Variants in LRSAM1 observed in about 807,000 individuals in gnomAD.
The protein encoded by LRSAM1 is E3 ubiquitin-protein ligase LRSAM1.
Under a neutral mutation model 118.1 loss-of-function variants are expected in LRSAM1, and 96 were observed. The observed-to-expected ratio is 0.81, with a 90% CI of 0.69 to 0.96. The LOEUF (loss-of-function observed/expected upper bound fraction) is 0.96. Among genes scored for constraint, LRSAM1 ranks in the 40% least tolerant of loss-of-function variants. LRSAM1 has a pLI of 0.00. For missense variants in LRSAM1, 804 were observed against 915.5 expected (o/e 0.88, Z 1.57); for synonymous variants, 322 against 364.2 (o/e 0.88, Z 1.32).
At position 127,479,382 on chromosome 9, in the gene LRSAM1, G is replaced by T. The variant is rs1835447298; in HGVS notation, c.781-1G>T. 3.7e-6 allele frequency: 6 copies of T among 1,614,068 alleles called. No homozygotes were observed. Among genetic ancestry groups the T allele is most frequent in the African/African-American group, 1.3e-5 (1 of 74,946 alleles). Reference sequence around the variant, plus strand: ...CAGTCACCAGGATCTGTGTCTTGCAGGAACAGAAGATGCTGGAGAAACTCG... The same window carrying T: ...CAGTCACCAGGATCTGTGTCTTGCATGAACAGAAGATGCTGGAGAAACTCG... On this transcript the variant is annotated splice_acceptor_variant, in intron 12 of 25. Coordinates refer to ENST00000300417, the MANE Select transcript of LRSAM1 (RefSeq NM_001005373.4). LOFTEE classifies it high-confidence loss of function.
rs1381416402 is a variant in LRSAM1 at position 127,492,788 on chromosome 9, G to A, written c.1504-14G>A. On this transcript the variant is annotated splice_polypyrimidine_tract_variant and intron_variant, in intron 20 of 25. Transcript: ENST00000300417. The stretch of plus-strand genomic sequence containing the variant: ...GCCAGCTCACGGTGGTGCGGGGTGT[G>A]GTCTTGTTCGCAGGAGATGATCTCG... The A allele has an allele frequency of 3.7e-6, 6 of 1,612,478 alleles. No individual in the cohort carries two copies. Among genetic ancestry groups the A allele is most frequent in the South Asian group, 1.1e-5 (1 of 90,976 alleles).
chr9:127,467,512 G>T (rs1490705385), intron 9 of LRSAM1, among the ~76,000 whole-genome samples: 1 of 152,152 alleles, frequency 6.6e-6, no homozygotes, highest in African/African-American at 2.4e-5. Flanking sequence ...TCTCTGCTAG[G>T]AGAGAGTCAC....
intron 18 of LRSAM1, 52 bp from the exon 19 acceptor site, chr9:127,489,392 A>C: frequency 6.4e-7 from 1 of 1,569,628 alleles, no homozygotes. Context: ...ATGGGGCTGC[A>C]GGGAAAAGTG....
At chr9:127,463,061 G>T (rs372719192) in intron 9 of LRSAM1, among the ~76,000 whole-genome samples, 83 of 152,062 alleles carry the variant, frequency 5.5e-4, no homozygotes, top group African/African-American at 2.0e-3. Context: ...TCCAGGCGTG[G>T]TGGTGCGCAC....
chr9:127,457,952 T>C (rs1209070342), intron 6 of LRSAM1, among the ~76,000 whole-genome samples: 2 of 149,288 alleles, frequency 1.3e-5, no homozygotes, highest in African/African-American at 2.5e-5. Context: ...ATGTGTTCAC[T>C]ACAGATGCTT....
rs144234592 is a variant in LRSAM1, at chr9:127,470,488, G to A, written c.619+2658G>A. Among the ~76,000 whole-genome samples, 356 of 152,172 alleles carry A rather than the reference G, an allele frequency of 2.3e-3. 1 individual carries two copies. The highest frequency in any genetic ancestry group is 8.2e-3 in the African/African-American group (339 of 41,536). ...GTGGGGATTACAATTCAGAGATTGA[G>A]GTGGGGACACAGAGCCAGACCATAT... On this transcript the variant is annotated intron_variant, in intron 10 of 25. Transcript: ENST00000300417.
intron 3 of LRSAM1, 114 bp from the exon 4 acceptor site, chr9:127,454,884 C>T: frequency 9.4e-7 from 1 of 1,058,818 alleles, no homozygotes; most frequent in East Asian, 2.4e-5. Flanking sequence ...CCAGTGGAAC[C>T]AGATAGTGTC....
intron 6 of LRSAM1, among the ~76,000 whole-genome samples, chr9:127,458,303 A>T (rs975313227): frequency 6.6e-5 from 10 of 151,686 alleles, no homozygotes; most frequent in Admixed American, 2.0e-4. Flanking sequence ...AATGGCGTGA[A>T]CCCGGGAAGC....
chr9:127,457,510 G>A (rs1834564546), intron 6 of LRSAM1, 117 bp downstream of exon 6: 2 of 934,734 alleles, frequency 2.1e-6, no homozygotes, highest in Admixed American at 2.0e-5. Context: ...CTACCAGTCA[G>A]TCTGGGATTT....
At chr9:127,483,070 T>C in intron 16 of LRSAM1, 50 bp downstream of exon 16, 1 of 1,549,252 alleles carries the variant, frequency 6.5e-7, no homozygotes, top group East Asian at 2.3e-5. Context: ...CTGGCTGGGC[T>C]GGCAGGGTGG....
chr9:127,473,559 G>A (rs1002842445), intron 10 of LRSAM1, among the ~76,000 whole-genome samples: 3 of 152,286 alleles, frequency 2.0e-5, no homozygotes, highest in African/African-American at 4.8e-5. Flanking sequence ...TCACTTGGAT[G>A]GTAAAGAGGT....
intron 2 of LRSAM1, among the ~76,000 whole-genome samples, chr9:127,452,818 C>G (rs1314886940): frequency 1.3e-5 from 2 of 152,214 alleles, no homozygotes; most frequent in African/African-American, 4.8e-5. Flanking sequence ...CCATGCACTT[C>G]CCTGGGTGAT....
At chr9:127,471,018 T>A (rs1245954158) in intron 10 of LRSAM1, 5 of 152,008 alleles carry the variant, frequency 3.3e-5, no homozygotes, top group Non-Finnish European at 2.9e-5. Context: ...TGTGCTCTTT[T>A]CTGTATGTAT....
intron 10 of LRSAM1, chr9:127,470,987 A>C (rs1835144818): frequency 6.6e-6 from 1 of 151,760 alleles, no homozygotes; most frequent in Non-Finnish European, 1.5e-5. Flanking sequence ...ACTAATCTTA[A>C]AAAAAGAGAG....
At chr9:127,493,080 G>C (rs984839982) in intron 21 of LRSAM1, among the ~76,000 whole-genome samples, 183 bp downstream of exon 21, 2 of 152,166 alleles carry the variant, frequency 1.3e-5, no homozygotes, top group Non-Finnish European at 2.9e-5. Flanking sequence ...TTGTTTGTTT[G>C]AGACAGGGTC....
At chr9:127,501,646 C>T (rs190084298) in intron 25 of LRSAM1, among the ~76,000 whole-genome samples, 1 of 152,104 alleles carries the variant, frequency 6.6e-6, no homozygotes, top group Non-Finnish European at 1.5e-5. Flanking sequence ...GCAGGAGAAT[C>T]GCTTGAACCC....
chr9:127,462,532 C>T (rs1300560587), intron 9 of LRSAM1, among the ~76,000 whole-genome samples, 159 bp downstream of exon 9: 2 of 152,038 alleles, frequency 1.3e-5, no homozygotes, highest in Non-Finnish European at 2.9e-5. Flanking sequence ...AATGTGTGAA[C>T]ATTCGTAATT....
intron 23 of LRSAM1, among the ~76,000 whole-genome samples, chr9:127,496,652 C>A (rs531757516): frequency 6.6e-6 from 1 of 152,286 alleles, no homozygotes; most frequent in Non-Finnish European, 1.5e-5. Context: ...TCAGTTGAGA[C>A]CCAGTAAGGC....
At chr9:127,466,830 G>A (rs1834970098) in intron 9 of LRSAM1, among the ~76,000 whole-genome samples, 1 of 151,812 alleles carries the variant, frequency 6.6e-6, no homozygotes. Context: ...AACATAGTAG[G>A]ACTTTATCTC....
Sources: gnomAD v4.1 joint callset for allele counts (sites outside exome capture counted in the v4.1 genomes callset) on GRCh38, gnomAD v4.1.1 for gene constraint, MANE v1.5 for transcripts, NCBI Gene and HGNC (gene_info 2026-07-23, HGNC 2026-07-21) for gene names.